The following LTBP1 variants were observed in gnomAD, a reference collection of about 807,000 sequenced individuals.
LTBP1 encodes the protein latent-transforming growth factor beta-binding protein 1.
A neutral mutation model predicts 207.6 loss-of-function variants in LTBP1; 129 were observed. The observed-to-expected ratio is 0.62, with a 90% CI of 0.54 to 0.72. LTBP1 has a LOEUF of 0.72. LTBP1 is among the 30% of genes least tolerant of loss of function. The probability of loss-of-function intolerance (pLI) is 0.00; values close to 1 mark genes in which losing one functional copy is unlikely to be tolerated. For synonymous variants in LTBP1, 963 were observed against 833.7 expected, an observed-to-expected ratio of 1.16 and a Z score of -2.67; for missense variants, 2,281 against 2,217.2, an observed-to-expected ratio of 1.03 and a Z score of -0.58.
chr2:33,058,884 G>A (rs1340432762), intron 3 of LTBP1, among the ~76,000 whole-genome samples: 6 of 152,190 alleles, frequency 3.9e-5, no homozygotes, highest in Admixed American at 6.5e-5. Flanking sequence ...TGACCTGCAC[G>A]TGTTGAAATG....
chr2:33,066,324 A>C (rs990192124), intron 3 of LTBP1, among the ~76,000 whole-genome samples: 5 of 152,176 alleles, frequency 3.3e-5, no homozygotes, highest in African/African-American at 1.2e-4. Context: ...TGTGACGGAG[A>C]CTGCATGTAG....
chr2:33,338,369 GC>G (rs2094576927), intron 24 of LTBP1, among the ~76,000 whole-genome samples: 1 of 152,094 alleles, frequency 6.6e-6, no homozygotes, highest in Non-Finnish European at 1.5e-5. Context: ...TGCTATAATT[GC>G]ATAGAATTAA....
intron 25 of LTBP1, among the ~76,000 whole-genome samples, chr2:33,346,704 G>C (rs2094706470): frequency 6.6e-6 from 1 of 151,080 alleles, no homozygotes; most frequent in Admixed American, 6.6e-5. Context: ...AAAGAACTGA[G>C]AGTAGAGTGT....
intron 31 of LTBP1, among the ~76,000 whole-genome samples, chr2:33,379,053 C>A (rs2095179953): frequency 6.6e-6 from 1 of 152,158 alleles, no homozygotes; most frequent in Non-Finnish European, 1.5e-5. Flanking sequence ...GCTTCTGACA[C>A]AACAAAGCCT....
chr2:33,181,399 A>G (rs923888167), intron 5 of LTBP1, among the ~76,000 whole-genome samples: 7 of 152,200 alleles, frequency 4.6e-5, no homozygotes, highest in Non-Finnish European at 1.0e-4. Context: ...TGTTTTACAG[A>G]CCAAAGTGAA....
intron 19 of LTBP1, among the ~76,000 whole-genome samples, chr2:33,284,041 C>G (rs968361371): frequency 2.0e-5 from 3 of 152,178 alleles, no homozygotes; most frequent in African/African-American, 4.8e-5. Context: ...TTAAGCATTG[C>G]TATTCAACCC....
intron 12 of LTBP1, among the ~76,000 whole-genome samples, chr2:33,258,842 G>A (rs1336954338): frequency 6.6e-6 from 1 of 152,124 alleles, no homozygotes; most frequent in Non-Finnish European, 1.5e-5. Flanking sequence ...GACATTGATT[G>A]ACTTATGAGA....
chr2:33,125,762 G>A (rs1308200309), intron 4 of LTBP1, among the ~76,000 whole-genome samples: 1 of 151,568 alleles, frequency 6.6e-6, no homozygotes, highest in African/African-American at 2.4e-5. Flanking sequence ...CCCGGGAGGT[G>A]GAGGTTGCAG....
At chr2:33,311,652 A>G (rs1436183941) in intron 23 of LTBP1, among the ~76,000 whole-genome samples, 1 of 152,164 alleles carries the variant, frequency 6.6e-6, no homozygotes, top group Non-Finnish European at 1.5e-5. Context: ...GGCCAAATAC[A>G]GGCAAAACCA....
chr2:33,173,451 C>T (rs1022651806), intron 5 of LTBP1, among the ~76,000 whole-genome samples: 1 of 152,108 alleles, frequency 6.6e-6, no homozygotes, highest in African/African-American at 2.4e-5. Flanking sequence ...CAAGACTAAA[C>T]CAGGAAGAAG....
chr2:32,986,805 A>AC (rs1683661704), intron 2 of LTBP1, among the ~76,000 whole-genome samples: 1 of 152,084 alleles, frequency 6.6e-6, no homozygotes, highest in African/African-American at 2.4e-5. Flanking sequence ...ACAACTCCAA[A>AC]CCTTCATCGT....
intron 21 of LTBP1, 37 bp from the exon 22 acceptor site, chr2:33,301,484 AC>A (rs772262743): frequency 6.5e-7 from 1 of 1,531,700 alleles, no homozygotes; most frequent in South Asian, 1.3e-5. Context: ...TTTTTGAAGC[AC>A]CACTTCCACA....
intron 4 of LTBP1, among the ~76,000 whole-genome samples, chr2:33,111,370 A>G (rs1243393322): frequency 6.6e-6 from 1 of 152,192 alleles, no homozygotes; most frequent in Non-Finnish European, 1.5e-5. Context: ...TGCCGGCAGC[A>G]TCTGGAGAAA....
At chr2:33,114,340 A>T (rs574690499) in intron 4 of LTBP1, among the ~76,000 whole-genome samples, 1 of 152,230 alleles carries the variant, frequency 6.6e-6, no homozygotes, top group Admixed American at 6.5e-5. Flanking sequence ...ACATGTATCT[A>T]TTAAACGTGT....
At chr2:33,201,885 G>C (rs2089326630) in intron 7 of LTBP1, among the ~76,000 whole-genome samples, 1 of 152,190 alleles carries the variant, frequency 6.6e-6, no homozygotes, top group Admixed American at 6.5e-5. Context: ...GATGCCAGAA[G>C]TTGTTCCAGC....
intron 23 of LTBP1, 66 bp from the exon 24 acceptor site, chr2:33,315,078 G>C: frequency 7.8e-7 from 1 of 1,285,336 alleles, no homozygotes; most frequent in Non-Finnish European, 1.1e-6. Context: ...TTTGCCATCT[G>C]TTTGATAGTA....
At chr2:33,321,526 TC>T (rs2094354506) in intron 24 of LTBP1, among the ~76,000 whole-genome samples, 1 of 152,182 alleles carries the variant, frequency 6.6e-6, no homozygotes, top group Non-Finnish European at 1.5e-5. Context: ...TTTTCACACT[TC>T]TAGGTACATT....
intron 2 of LTBP1, among the ~76,000 whole-genome samples, chr2:33,004,195 G>A (rs1458171807): frequency 6.6e-6 from 1 of 152,012 alleles, no homozygotes; most frequent in Non-Finnish European, 1.5e-5. Context: ...ACTTCACTGG[G>A]CTGTTTGCAG....
chr2:33,188,594 A>T lies in LTBP1; in HGVS notation c.1444A>T (p.Ile482Leu), dbSNP rs1439826902. Residue 482 changes from isoleucine (I) to leucine (L), a missense_variant, in exon 7 of 34, where the codon ATA becomes TTA. Ile to Leu is a conservative substitution (Grantham distance 5, BLOSUM62 2). Transcript: ENST00000404816. ...QGVKVKFPPN[I>L]VNIHVKHPPE... ...TGTTGTAGTGAAATTTCCTCCTAAC[A>T]TAGTCAATATCCATGTGAAACATCC... is the stretch of plus-strand genomic sequence containing the variant. 1.2e-6 allele frequency: 2 copies of T among 1,612,822 alleles called. No homozygotes were observed. Among genetic ancestry groups the T allele is most frequent in the Non-Finnish European group, 8.5e-7 (1 of 1,179,606 alleles).
Sources: allele counts gnomAD v4.1 joint callset (sites outside exome capture counted in the v4.1 genomes callset), GRCh38; gene constraint gnomAD v4.1.1; transcripts MANE v1.5; gene names NCBI Gene and HGNC (gene_info 2026-07-23, HGNC 2026-07-21).